Variants in BRAF observed in about 807,000 individuals in gnomAD.
BRAF encodes serine/threonine-protein kinase B-raf.
BRAF carries 16 observed loss-of-function variants against 104.6 expected under a neutral mutation model. That is an observed-to-expected ratio of 0.15 (90% confidence interval 0.10 to 0.23). The LOEUF is 0.23. BRAF is among the 10% of genes least tolerant of loss of function. BRAF has a pLI of 1.00. For missense variants in BRAF, 541 were observed against 937.3 expected, an observed-to-expected ratio of 0.58 and a Z score of 5.52; for synonymous variants, 310 against 341.6, an observed-to-expected ratio of 0.91 and a Z score of 1.02.
At chr7:140,916,992 G>A (rs981770700) in intron 1 of BRAF, among the ~76,000 whole-genome samples, 4 of 152,110 alleles carry the variant, frequency 2.6e-5, no homozygotes, top group African/African-American at 9.7e-5. Context: ...ACAAACATAA[G>A]CAATTGATTT....
chr7:140,893,096 G>C (rs979350517), intron 1 of BRAF, among the ~76,000 whole-genome samples: 10 of 152,242 alleles, frequency 6.6e-5, no homozygotes, highest in African/African-American at 2.4e-4. Flanking sequence ...GCCCAAAATG[G>C]CAGGAAGGGG....
At position 140,724,625 on chromosome 7, in the gene BRAF, G is replaced by A; in HGVS notation, c.*1869C>T. 2 of 1,036,860 alleles carry A rather than the reference G, an allele frequency of 1.9e-6. No homozygotes were observed. The highest frequency in any genetic ancestry group is 2.3e-6 in the Non-Finnish European group (2 of 861,132). 64.2% of individuals were successfully genotyped at this position (1,036,860 alleles called of 1,614,324 possible). A position where few individuals can be genotyped will look rare whatever the true frequency, so the allele number is the denominator to read the frequency against. The stretch of plus-strand genomic sequence containing the variant: ...TCAATAGGCTTTCTTCTGAATACAT[G>A]TATGTTAGCAAAAATCTAATGGTAG... On this transcript the variant is annotated 3_prime_UTR_variant, in exon 20 of 20. Transcript: ENST00000644969.
chr7:140,868,771 A>G (rs1356392799), intron 1 of BRAF, among the ~76,000 whole-genome samples: 3 of 152,218 alleles, frequency 2.0e-5, no homozygotes, highest in African/African-American at 4.8e-5. Flanking sequence ...CAATATGATC[A>G]ATTATATTTT....
At chr7:140,753,188 A>T (rs2128997892) in intron 16 of BRAF, 87 bp downstream of exon 15, 1 of 913,740 alleles carries the variant, frequency 1.1e-6, no homozygotes, top group Non-Finnish European at 1.8e-6. Flanking sequence ...AAAATACTAT[A>T]GTTGAGACCT....
chr7:140,792,569 T>A (rs1047764821), intron 8 of BRAF, among the ~76,000 whole-genome samples: 1 of 152,336 alleles, frequency 6.6e-6, no homozygotes, highest in South Asian at 2.1e-4. Flanking sequence ...CTCCTACTTA[T>A]TCACCATAAT....
rs186719301 is a variant in BRAF, at chr7:140,843,859, A to C, written c.240+6252T>G. Among the ~76,000 whole-genome samples, 6 of 151,910 alleles carry C rather than the reference A, an allele frequency of 3.9e-5. No individual in the cohort carries two copies. The East Asian group carries it at 1.2e-3, about 29-fold the overall frequency. On this transcript the variant is annotated intron_variant, in intron 2 of 19. Coordinates refer to ENST00000644969, the MANE Select transcript of BRAF (RefSeq NM_001374258.1). ...TCTCTACTAAAAATACAAAAACAAA[A>C]TTAGATGGGCGTGGTGGCGGGCGCC...
At chr7:140,735,692 G>A (rs889750505) in intron 18 of BRAF, among the ~76,000 whole-genome samples, 1 of 151,800 alleles carries the variant, frequency 6.6e-6, no homozygotes, top group Non-Finnish European at 1.5e-5. Context: ...GAGTAGCTGG[G>A]ATTACAGGAG....
chr7:140,726,469 A>G lies in BRAF; in HGVS notation c.*25T>C. ...GTACGAACACAAGACTTAAGAAATA[A>G]GAGCAGATGCTGCCATGATGGTGGC... On this transcript the variant is annotated 3_prime_UTR_variant, in exon 20 of 20. Coordinates refer to ENST00000644969, the MANE Select transcript of BRAF (RefSeq NM_001374258.1). 6.5e-7 allele frequency: 1 copy of G among 1,536,324 alleles called. No individual in the cohort carries two copies. The highest frequency in any genetic ancestry group is 1.2e-5 in the South Asian group (1 of 84,010).
intron 17 of BRAF, 152 bp downstream of exon 16, chr7:140,749,135 C>G (rs1797583455): frequency 1.0e-6 from 1 of 970,888 alleles, no homozygotes; most frequent in East Asian, 2.7e-5. Context: ...GTTGCTATTA[C>G]TGCCAAAAGT....
At chr7:140,906,917 G>A (rs981937175) in intron 1 of BRAF, among the ~76,000 whole-genome samples, 25 of 151,572 alleles carry the variant, frequency 1.6e-4, no homozygotes, top group Non-Finnish European at 3.5e-4. Context: ...TATATTGCTA[G>A]AAATTCATTA....
chr7:140,870,469 A>C (rs1200789770), intron 1 of BRAF, among the ~76,000 whole-genome samples: 1 of 152,176 alleles, frequency 6.6e-6, no homozygotes. Context: ...AGTTTAGACT[A>C]TTTACAATAG....
rs1187898507 is a variant in BRAF at position 140,763,318 on chromosome 7, G to A, written c.1815-9085C>T. Among the ~76,000 whole-genome samples the A allele has an allele frequency of 6.7e-5, 10 of 148,852 alleles. No homozygotes were observed. The South Asian group carries it at 1.3e-3, about 19-fold the overall frequency. ...CCCCCACCTCCCTCCTGGACAGGGC[G>A]GCTGGCCGGGCAGGGGGCTGACCCC... On this transcript the variant is annotated intron_variant, in intron 14 of 19. Transcript: ENST00000644969.
intron 1 of BRAF, among the ~76,000 whole-genome samples, chr7:140,876,505 T>C (rs945247949): frequency 1.3e-5 from 2 of 152,180 alleles, no homozygotes; most frequent in Non-Finnish European, 2.9e-5. Flanking sequence ...AGTCTATAGA[T>C]ACAAATTAAA....
chr7:140,798,017 C>T (rs570709021), intron 7 of BRAF, among the ~76,000 whole-genome samples: 1 of 152,238 alleles, frequency 6.6e-6, no homozygotes, highest in Non-Finnish European at 1.5e-5. Flanking sequence ...AGTATACTCA[C>T]TGCTTAAGAC....
rs570017601 is a variant in BRAF at position 140,862,224 on chromosome 7, A to C, written c.139-12012T>G. On this transcript the variant is annotated intron_variant, in intron 1 of 19. Transcript: ENST00000644969. ...AGGAGAAAACTGAAATATTATTACT[A>C]AGAAAACACTTGAGGAGAAGGGGTA... is the stretch of plus-strand genomic sequence containing the variant. Among the ~76,000 whole-genome samples the C allele has an allele frequency of 2.0e-4, 31 of 152,336 alleles. No individual in the cohort carries two copies. The South Asian group carries it at 6.4e-3, about 32-fold the overall frequency.
intron 1 of BRAF, among the ~76,000 whole-genome samples, chr7:140,912,395 A>G (rs1817086887): frequency 6.6e-6 from 1 of 152,190 alleles, no homozygotes; most frequent in Non-Finnish European, 1.5e-5. Context: ...CTATTATCAT[A>G]AAGTATAGAT....
intron 2 of BRAF, among the ~76,000 whole-genome samples, chr7:140,845,392 A>C (rs1808436268): frequency 6.6e-6 from 1 of 152,196 alleles, no homozygotes; most frequent in Non-Finnish European, 1.5e-5. Context: ...CTATAAGCAG[A>C]GTAAAAAGGG....
chr7:140,883,391 T>C (rs1813166142), intron 1 of BRAF, among the ~76,000 whole-genome samples: 1 of 152,226 alleles, frequency 6.6e-6, no homozygotes, highest in Non-Finnish European at 1.5e-5. Context: ...GCTTGGCCTT[T>C]AATCTGTCGT....
chr7:140,837,468 C>T lies in BRAF; in HGVS notation c.241-2596G>A. Among the ~76,000 whole-genome samples the T allele has an allele frequency of 1.3e-5, 2 of 152,190 alleles. 1 individual carries two copies. On this transcript the variant is annotated intron_variant, in intron 2 of 19. Coordinates refer to ENST00000644969, the MANE Select transcript of BRAF (RefSeq NM_001374258.1). ...CCTTCACATACTTTGCGGCTCACAA[C>T]TACAACAATGCCATTGGTGATATCT...
Sources: gnomAD v4.1 joint callset for allele counts (sites outside exome capture counted in the v4.1 genomes callset) on GRCh38, gnomAD v4.1.1 for gene constraint, MANE v1.5 for transcripts, NCBI Gene and HGNC (gene_info 2026-07-23, HGNC 2026-07-21) for gene names.